CTNNA3: variants seen among roughly 807,000 people sequenced by gnomAD.
CTNNA3 encodes catenin alpha-3.
CTNNA3 carries 76 observed loss-of-function variants against 95.7 expected under a neutral mutation model. The observed-to-expected ratio is 0.79, with a 90% confidence interval of 0.66 to 0.96. CTNNA3 has a LOEUF of 0.96. Among genes scored for constraint, CTNNA3 ranks in the 40% least tolerant of loss-of-function variants. CTNNA3 has a pLI of 0.00. For missense variants in CTNNA3, 1,191 were observed against 1,089.8 expected (o/e 1.09, Z -1.31); for synonymous variants, 431 against 374.4 (o/e 1.15, Z -1.74).
chr10:67,700,254 C>A (rs529471865), upstream of CTNNA3, among the ~76,000 whole-genome samples: 77 of 152,334 alleles, frequency 5.1e-4, no homozygotes, highest in Non-Finnish European at 5.1e-4. Context: ...ACCTGTCTGA[C>A]AGCTTTGAAG....
chr10:66,636,642 T>C (rs139696478), intron 9 of CTNNA3, among the ~76,000 whole-genome samples: 5 of 152,274 alleles, frequency 3.3e-5, no homozygotes, highest in South Asian at 2.1e-4. Context: ...GTTGAATACA[T>C]TTAACCCAAC....
intron 6 of CTNNA3, among the ~76,000 whole-genome samples, chr10:67,182,825 C>T (rs1428956210): frequency 2.0e-5 from 3 of 152,130 alleles, no homozygotes; most frequent in African/African-American, 4.8e-5. Flanking sequence ...CTACAATGAA[C>T]TCCAACACAT....
chr10:67,346,668 G>A, intron 5 of CTNNA3: 2 of 507,592 alleles, frequency 3.9e-6, no homozygotes, highest in Non-Finnish European at 7.9e-6. Context: ...GTTTCTGCAG[G>A]CCTTCCTAAT....
In CTNNA3 at chr10:66,633,486, C is replaced by T. The variant is rs533902458; in HGVS notation, c.1282-11702G>A. Among the ~76,000 whole-genome samples the T allele has an allele frequency of 3.2e-4, 49 of 152,174 alleles. No homozygotes were observed. In the South Asian group the frequency reaches 9.9e-3, roughly 31 times the overall value. On this transcript the variant is annotated intron_variant, in intron 9 of 17. Transcript: ENST00000433211. Reference sequence around the variant, plus strand: ...ACGAGGTCAGGAGATCAAGACCATCCTGGCTAACATGGTGAAACCCCGTCT... The same window carrying T: ...ACGAGGTCAGGAGATCAAGACCATCTTGGCTAACATGGTGAAACCCCGTCT...
intron 13 of CTNNA3, among the ~76,000 whole-genome samples, chr10:66,260,717 G>A (rs892478977): frequency 2.6e-5 from 4 of 152,118 alleles, no homozygotes; most frequent in Non-Finnish European, 4.4e-5. Flanking sequence ...TTGTAAAAGT[G>A]TATGCAATGT....
chr10:66,904,572 G>A (rs1428925623), intron 7 of CTNNA3, among the ~76,000 whole-genome samples: 1 of 151,996 alleles, frequency 6.6e-6, no homozygotes, highest in Non-Finnish European at 1.5e-5. Context: ...TCATCAGAGC[G>A]AACAGACAAG....
At position 66,124,628 on chromosome 10, in the gene CTNNA3, A is replaced by T. The variant is rs573633469; in HGVS notation, c.1885-21379T>A. On this transcript the variant is annotated intron_variant, in intron 13 of 17. Transcript: ENST00000433211. The stretch of plus-strand genomic sequence containing the variant: ...ATACTTGAGATGGGGCAATTTACAA[A>T]AGAAAGAGGTTTAATGGACTTACAA... Among the ~76,000 whole-genome samples, 15 of 152,280 alleles carry T rather than the reference A, an allele frequency of 9.9e-5. No individual in the cohort carries two copies. In the South Asian group the frequency reaches 2.9e-3, roughly 29 times the overall value.
intron 13 of CTNNA3, among the ~76,000 whole-genome samples, chr10:66,120,030 C>T (rs972066253): frequency 1.8e-4 from 27 of 152,150 alleles, no homozygotes; most frequent in African/African-American, 5.8e-4. Context: ...CTATGTAAGG[C>T]ACACTTTTCA....
At chr10:67,531,496 T>C (rs893748293) in intron 4 of CTNNA3, among the ~76,000 whole-genome samples, 3 of 152,246 alleles carry the variant, frequency 2.0e-5, no homozygotes, top group African/African-American at 7.2e-5. Context: ...CCCTTTGTTT[T>C]GACCAATTTG....
At chr10:66,087,167 C>A (rs2133675133) in intron 14 of CTNNA3, among the ~76,000 whole-genome samples, 1 of 152,034 alleles carries the variant, frequency 6.6e-6, no homozygotes, top group African/African-American at 2.4e-5. Context: ...CTGGTCAAAC[C>A]AATCCCCTGG....
intron 2 of CTNNA3, among the ~76,000 whole-genome samples, chr10:67,639,101 T>C (rs888951608): frequency 1.3e-5 from 2 of 151,924 alleles, no homozygotes; most frequent in African/African-American, 2.4e-5. Context: ...ACAAAATTAA[T>C]AGACTGCTAG....
chr10:66,006,256 G>A (rs979219749), intron 15 of CTNNA3, among the ~76,000 whole-genome samples: 3 of 151,626 alleles, frequency 2.0e-5, no homozygotes, highest in Non-Finnish European at 2.9e-5. Context: ...CTCGTGATCC[G>A]CCCGCCTCGG....
chr10:67,188,885 G>T (rs1862988936), intron 6 of CTNNA3, among the ~76,000 whole-genome samples: 1 of 152,144 alleles, frequency 6.6e-6, no homozygotes, highest in Non-Finnish European at 1.5e-5. Context: ...TGAGGTGGGT[G>T]GCTGGTGGCT....
intron 15 of CTNNA3, among the ~76,000 whole-genome samples, chr10:66,064,126 AGCAAG>A (rs753077057): frequency 5.3e-5 from 8 of 152,184 alleles, no homozygotes; most frequent in Non-Finnish European, 8.8e-5. Flanking sequence ...GCAAAGGAGA[AGCAAG>A]GCACCTTCTT....
At chr10:66,604,096 A>T (rs186408802) in intron 10 of CTNNA3, among the ~76,000 whole-genome samples, 124 of 152,226 alleles carry the variant, frequency 8.1e-4, no homozygotes, top group African/African-American at 2.8e-3. Flanking sequence ...ATATCAAGTT[A>T]AAAAAGCTAC....
At chr10:66,387,189 T>G (rs1338416161) in intron 11 of CTNNA3, among the ~76,000 whole-genome samples, 2 of 151,976 alleles carry the variant, frequency 1.3e-5, no homozygotes. Flanking sequence ...ATTTTTGCAA[T>G]CTACCTATCT....
chr10:66,487,545 G>A (rs1313513492), intron 11 of CTNNA3, among the ~76,000 whole-genome samples: 2 of 151,986 alleles, frequency 1.3e-5, no homozygotes, highest in Non-Finnish European at 2.9e-5. Context: ...CAGATTTTAA[G>A]TGTCCCCACT....
At chr10:66,431,451 GT>G (rs753887249) in intron 11 of CTNNA3, among the ~76,000 whole-genome samples, 1 of 151,884 alleles carries the variant, frequency 6.6e-6, no homozygotes, top group Non-Finnish European at 1.5e-5. Flanking sequence ...GCACATGTAT[GT>G]TTATTGTGGC....
Position 67,224,247 on chromosome 10 carries a change from G to A in CTNNA3, c.580-4377C>T, listed in dbSNP as rs143682490. Reference sequence around the variant, plus strand: ...TATACCCTTTGACCAATATGTCCCCGTTTCCCCCACATGCCAACCCCTGGC... The same window carrying A: ...TATACCCTTTGACCAATATGTCCCCATTTCCCCCACATGCCAACCCCTGGC... On this transcript the variant is annotated intron_variant, in intron 5 of 17. Coordinates refer to ENST00000433211, the MANE Select transcript of CTNNA3 (RefSeq NM_013266.4). 3.1e-4 allele frequency among the ~76,000 whole-genome samples: 47 copies of A among 152,168 alleles called. 1 individual carries two copies. The highest frequency in any genetic ancestry group is 1.0e-3 in the South Asian group (5 of 4,820).
Sources: gnomAD v4.1 joint callset for allele counts (sites outside exome capture counted in the v4.1 genomes callset) on GRCh38, gnomAD v4.1.1 for gene constraint, MANE v1.5 for transcripts, NCBI Gene and HGNC (gene_info 2026-07-23, HGNC 2026-07-21) for gene names.